Variants in DOCK4 observed in about 807,000 individuals in gnomAD.
The protein encoded by DOCK4 is dedicator of cytokinesis protein 4.
Under a neutral mutation model 268.1 loss-of-function variants are expected in DOCK4, and 97 were observed. The observed-to-expected ratio is 0.36, with a 90% CI of 0.31 to 0.43. The LOEUF (loss-of-function observed/expected upper bound fraction) is 0.43, where lower values mean the gene tolerates loss of function less well. Ranked by LOEUF, DOCK4 falls within the 20% of genes least tolerant of loss-of-function variation. The probability of loss-of-function intolerance (pLI) is 1.00; values close to 1 mark genes in which losing one functional copy is unlikely to be tolerated. For synonymous variants in DOCK4, 954 were observed against 887.2 expected, an observed-to-expected ratio of 1.08 and a Z score of -1.34; for missense variants, 2,145 against 2,455.7, an observed-to-expected ratio of 0.87 and a Z score of 2.67.
In DOCK4 at chr7:111,729,425, G is replaced by A. The variant is rs914233309; in HGVS notation, c.5482-705C>T. Among the ~76,000 whole-genome samples the A allele has an allele frequency of 2.9e-4, 44 of 152,216 alleles. 3 individuals are homozygous for A. Among genetic ancestry groups the A allele is most frequent in the Admixed American group, 2.4e-3 (37 of 15,286 alleles). On this transcript the variant is annotated intron_variant, in intron 52 of 52. Coordinates refer to ENST00000428084, the MANE Select transcript of DOCK4 (RefSeq NM_001363540.2). ...ATCCAAAGGGTTAGCTGGGCGTGGT[G>A]GCTCATGCCTGTAATCCCAGTTCCT...
chr7:111,896,000 T>C (rs979725936), intron 15 of DOCK4, among the ~76,000 whole-genome samples: 3 of 152,228 alleles, frequency 2.0e-5, no homozygotes, highest in African/African-American at 7.2e-5. Context: ...TTCTTCTTTT[T>C]ACCCCAAAGT....
At chr7:111,757,403 T>C (rs528331437) in intron 41 of DOCK4, among the ~76,000 whole-genome samples, 1 of 152,268 alleles carries the variant, frequency 6.6e-6, no homozygotes, top group South Asian at 2.1e-4. Flanking sequence ...AATTGCCTGA[T>C]TTCAGTGATT....
intron 23 of DOCK4, among the ~76,000 whole-genome samples, chr7:111,854,763 C>T (rs1270672508): frequency 6.6e-6 from 1 of 152,212 alleles, no homozygotes; most frequent in Non-Finnish European, 1.5e-5. Context: ...ATCTATTAAG[C>T]ACCTACTTTG....
chr7:111,897,559 T>C (rs1808860210), intron 15 of DOCK4, among the ~76,000 whole-genome samples: 1 of 151,334 alleles, frequency 6.6e-6, no homozygotes, highest in Non-Finnish European at 1.5e-5. Context: ...GAGCTGAGAG[T>C]GCACATCTCT....
chr7:112,197,790 C>T (rs1820583483), intron 1 of DOCK4, among the ~76,000 whole-genome samples: 1 of 152,058 alleles, frequency 6.6e-6, no homozygotes, highest in African/African-American at 2.4e-5. Flanking sequence ...AGCCTTCACT[C>T]CTAAGCCAAA....
rs549612966 is a variant in DOCK4, at chr7:111,776,941, C to T, written c.3679+1335G>A. Among the ~76,000 whole-genome samples the T allele has an allele frequency of 3.9e-5, 6 of 152,226 alleles. No homozygotes were observed. The South Asian group carries it at 6.2e-4, about 16-fold the overall frequency. ...GCTCAAGTGATCCACCTCAGCCTCC[C>T]GAGTAGCTGGGACTACAGACATGTG... is the stretch of plus-strand genomic sequence containing the variant. On this transcript the variant is annotated intron_variant, in intron 36 of 52. Transcript: ENST00000428084.
At position 112,080,715 on chromosome 7, in the gene DOCK4, C is replaced by T. The variant is rs967487581; in HGVS notation, c.38-76584G>A. Among the ~76,000 whole-genome samples the T allele has an allele frequency of 2.6e-5, 4 of 152,160 alleles. No homozygotes were observed. In the South Asian group the frequency reaches 6.2e-4, roughly 24 times the overall value. ...TTAGATGTGGATGACACAGCTCCTTCGTTCAACGCATATTTACACAATGGG... is the reference window on the plus strand; with the variant it reads ...TTAGATGTGGATGACACAGCTCCTTTGTTCAACGCATATTTACACAATGGG... On this transcript the variant is annotated intron_variant, in intron 1 of 52. Transcript: ENST00000428084.
intron 42 of DOCK4, among the ~76,000 whole-genome samples, chr7:111,751,643 C>A (rs1221198583): frequency 6.6e-6 from 1 of 152,158 alleles, no homozygotes; most frequent in Non-Finnish European, 1.5e-5. Context: ...CAGGGTTTTG[C>A]CATATTGGCC....
intron 13 of DOCK4, 98 bp downstream of exon 13, chr7:111,915,681 T>A: frequency 7.6e-7 from 1 of 1,309,670 alleles, no homozygotes; most frequent in Non-Finnish European, 1.0e-6. Context: ...ATGGCCCATG[T>A]GAATGCTTCA....
intron 1 of DOCK4, among the ~76,000 whole-genome samples, chr7:112,116,306 T>A (rs1190912460): frequency 6.6e-6 from 1 of 152,220 alleles, no homozygotes; most frequent in Non-Finnish European, 1.5e-5. Context: ...GGCATAATGT[T>A]TTCAACGTTC....
At chr7:111,734,729 G>C (rs529179910) in intron 51 of DOCK4, among the ~76,000 whole-genome samples, 1 of 152,208 alleles carries the variant, frequency 6.6e-6, no homozygotes, top group African/African-American at 2.4e-5. Context: ...AGGTTGATAA[G>C]AATGAAGTGG....
At chr7:112,086,183 A>G (rs1260431657) in intron 1 of DOCK4, among the ~76,000 whole-genome samples, 1 of 152,160 alleles carries the variant, frequency 6.6e-6, no homozygotes, top group Non-Finnish European at 1.5e-5. Context: ...CAAAAAATAC[A>G]TGAATATATA....
intron 17 of DOCK4, among the ~76,000 whole-genome samples, chr7:111,875,904 C>T (rs1806821537): frequency 6.6e-6 from 1 of 152,178 alleles, no homozygotes; most frequent in Non-Finnish European, 1.5e-5. Flanking sequence ...AGTAATACAA[C>T]CCCAAAATAT....
At chr7:111,918,849 G>A (rs970026362) in intron 12 of DOCK4, among the ~76,000 whole-genome samples, 1 of 152,062 alleles carries the variant, frequency 6.6e-6, no homozygotes, top group Non-Finnish European at 1.5e-5. Context: ...AGAATAAGAC[G>A]AATTTAACAA....
At chr7:112,093,458 A>G (rs1360346204) in intron 1 of DOCK4, among the ~76,000 whole-genome samples, 2 of 152,130 alleles carry the variant, frequency 1.3e-5, no homozygotes, top group African/African-American at 4.8e-5. Flanking sequence ...GGGGGGGGGA[A>G]ACAATTATAT....
intron 31 of DOCK4, among the ~76,000 whole-genome samples, chr7:111,789,492 T>C (rs1183936139): frequency 6.6e-6 from 1 of 152,214 alleles, no homozygotes; most frequent in East Asian, 1.9e-4. Context: ...ATATTTGACT[T>C]TGTCAAAAGA....
chr7:112,093,645 C>G (rs1809841029), intron 1 of DOCK4, among the ~76,000 whole-genome samples: 1 of 152,082 alleles, frequency 6.6e-6, no homozygotes, highest in Non-Finnish European at 1.5e-5. Context: ...GCAAAGCGAC[C>G]TTTCTGTAAA....
At chr7:111,843,257 A>G (rs2134072976) in intron 25 of DOCK4, among the ~76,000 whole-genome samples, 1 of 152,338 alleles carries the variant, frequency 6.6e-6, no homozygotes, top group African/African-American at 2.4e-5. Context: ...AACTGGACTT[A>G]AATGAAATTA....
chr7:112,154,205 C>A (rs1416818668), intron 1 of DOCK4, among the ~76,000 whole-genome samples: 1 of 152,128 alleles, frequency 6.6e-6, no homozygotes, highest in African/African-American at 2.4e-5. Context: ...CTCCTGGGCT[C>A]AAGCAATCCT....
Sources: allele counts gnomAD v4.1 joint callset (sites outside exome capture counted in the v4.1 genomes callset), GRCh38; gene constraint gnomAD v4.1.1; transcripts MANE v1.5; gene names NCBI Gene and HGNC (gene_info 2026-07-23, HGNC 2026-07-21).